Variants in ZNF592 observed in about 807,000 individuals in gnomAD.
ZNF592 encodes spinocerebellar ataxia, autosomal recessive 5.
ZNF592 carries 11 observed loss-of-function variants against 80.3 expected under a neutral mutation model. The ratio of observed to expected loss-of-function variants is 0.14; its 90% CI spans 0.09 to 0.23. The LOEUF (loss-of-function observed/expected upper bound fraction) is 0.23. Ranked by LOEUF, ZNF592 falls within the 10% of genes least tolerant of loss-of-function variation. The pLI is 1.00. For synonymous variants in ZNF592, 646 were observed against 640.3 expected, an observed-to-expected ratio of 1.01 and a Z score of -0.13; for missense variants, 1,420 against 1,633.9, an observed-to-expected ratio of 0.87 and a Z score of 2.26.
In ZNF592 at chr15:84,805,787, C is replaced by G. The variant is rs865901849; in HGVS notation, c.*3394C>G. 1.3e-5 allele frequency: 2 copies of G among 152,516 alleles called. No individual in the cohort carries two copies. Among genetic ancestry groups the G allele is most frequent in the Admixed American group, 6.6e-5 (1 of 15,260 alleles). The allele number at this position is 152,516 out of a possible 1,614,324, so 9.4% of individuals were successfully genotyped here. On this transcript the variant is annotated 3_prime_UTR_variant, in exon 11 of 11. Coordinates refer to ENST00000560079, the MANE Select transcript of ZNF592 (RefSeq NM_014630.3). ...TAATACATATACATGGTAAGACATTCCACAATACAAAAGGGTATACAATAA... is the reference window on the plus strand; with the variant it reads ...TAATACATATACATGGTAAGACATTGCACAATACAAAAGGGTATACAATAA...
chr15:84,799,731 GC>G lies in ZNF592; in HGVS notation c.3138-109del, dbSNP rs1478166856. Reference sequence around the variant, plus strand: ...GATCTCTCTGGGGTTCCCAGCACTAGCCAGCCCAGGAGTCTGCTCCAGACTC... The same window carrying G: ...GATCTCTCTGGGGTTCCCAGCACTAGCAGCCCAGGAGTCTGCTCCAGACTC... On this transcript the variant is annotated intron_variant, in intron 9 of 10. Coordinates refer to ENST00000560079, the MANE Select transcript of ZNF592 (RefSeq NM_014630.3). This position sits in a 1 kb window ranked among gnomAD's most constrained non-coding sequence, Gnocchi z 4.2. 3.9e-6 allele frequency: 6 copies of G among 1,549,790 alleles called. No individual in the cohort carries two copies. Among genetic ancestry groups the G allele is most frequent in the Non-Finnish European group, 5.3e-6 (6 of 1,136,064 alleles).
At chr15:84,766,610 G>A (rs1439520628) in intron 2 of ZNF592, among the ~76,000 whole-genome samples, 6 of 151,880 alleles carry the variant, frequency 4.0e-5, no homozygotes, top group South Asian at 4.2e-4. Context: ...GTTGGGGGGC[G>A]GATAGAGAGA....
chr15:84,783,858 C>G lies in ZNF592; in HGVS notation c.1183C>G (p.Leu395Val), dbSNP rs965752882. ...AATCAAACGGACTGTCACAAGGATCCTGCCAGATCCTGATGATCCAAGTAA... is the reference window on the plus strand; with the variant it reads ...AATCAAACGGACTGTCACAAGGATCGTGCCAGATCCTGATGATCCAAGTAA... ...GEIKRTVTRILPDPDDPSKSP... is the reference protein window; with the variant it reads ...GEIKRTVTRIVPDPDDPSKSP... The change falls in exon 4 of 11, where the codon CTG (leucine) becomes GTG (valine). Residue 395 changes from leucine (L) to valine (V), a missense_variant. Physicochemically the swap from Leu to Val is conservative, Grantham distance 32. Around this residue, in one of 7 missense-constraint regions of ZNF592, gnomAD observed 524 missense variants for 628.3 expected, o/e 0.83. Transcript: ENST00000560079. The surrounding 1 kb of genome is among the most constrained non-coding windows in gnomAD (Gnocchi z 5.0). 6.2e-7 allele frequency: 1 copy of G among 1,614,082 alleles called. No individual in the cohort carries two copies. The highest frequency in any genetic ancestry group is 8.5e-7 in the Non-Finnish European group (1 of 1,180,044).
intron 3 of ZNF592, among the ~76,000 whole-genome samples, chr15:84,781,837 G>A (rs1962428649): frequency 1.3e-5 from 2 of 152,330 alleles, no homozygotes; most frequent in Admixed American, 6.5e-5. Context: ...CTCTGTTGCA[G>A]TAGTTCTGTA....
intron 1 of ZNF592, among the ~76,000 whole-genome samples, chr15:84,757,554 G>C (rs1473352174): frequency 6.6e-6 from 1 of 151,790 alleles, no homozygotes; most frequent in East Asian, 1.9e-4. Context: ...GGATCTCGCT[G>C]TGTTGACCAG....
rs1962472362 is a variant in ZNF592 at position 84,783,206 on chromosome 15, T to C, written c.531T>C (p.Ala177=). Residue 177 remains alanine, a synonymous_variant, in exon 4 of 11, where the codon GCT becomes GCC. Coordinates refer to ENST00000560079, the MANE Select transcript of ZNF592 (RefSeq NM_014630.3). The surrounding 1 kb of genome is among the most constrained non-coding windows in gnomAD (Gnocchi z 5.0). The part of the protein sequence containing the change: ...SYFPPPLGCG[A]VGGPVLEALA... ...TCCCACCCCCTCTTGGGTGCGGGGC[T>C]GTGGGAGGCCCAGTCCTGGAGGCTC... The C allele has an allele frequency of 2.5e-6, 4 of 1,614,160 alleles. No homozygotes were observed. Among genetic ancestry groups the C allele is most frequent in the African/African-American group, 2.7e-5 (2 of 75,042 alleles).
rs1188222177 is a variant in ZNF592 at position 84,798,519 on chromosome 15, T to G, written c.2736+45T>G. 1.2e-6 allele frequency: 2 copies of G among 1,613,714 alleles called. No homozygotes were observed. Among genetic ancestry groups the G allele is most frequent in the Non-Finnish European group, 1.7e-6 (2 of 1,179,868 alleles). On this transcript the variant is annotated intron_variant, in intron 7 of 10. Transcript: ENST00000560079. This position sits in a 1 kb window ranked among gnomAD's most constrained non-coding sequence, Gnocchi z 4.5. Reference sequence around the variant, plus strand: ...GAGGCCGGGGAGGAGGGCACATGCCTCAGGCTGGGGGTCTGACTCTGTGCA... The same window carrying G: ...GAGGCCGGGGAGGAGGGCACATGCCGCAGGCTGGGGGTCTGACTCTGTGCA...
At chr15:84,789,672 G>C (rs1962687020) in intron 4 of ZNF592, among the ~76,000 whole-genome samples, 1 of 152,176 alleles carries the variant, frequency 6.6e-6, no homozygotes, top group Non-Finnish European at 1.5e-5. Flanking sequence ...TGTTGTCATG[G>C]CTCATTGATT....
rs1439358264 is a variant in ZNF592, at chr15:84,797,026, C to CA, written c.2400-840dup. On this transcript the variant is annotated intron_variant, in intron 5 of 10. Transcript: ENST00000560079. ...TCACCCAGGCTGGAATGCGGTGGCA[C>CA]AAACTCGGCTTACTGCAACCTCTGC... Among the ~76,000 whole-genome samples the CA allele has an allele frequency of 3.3e-5, 5 of 152,304 alleles. No individual in the cohort carries two copies. The East Asian group carries it at 9.6e-4, about 29-fold the overall frequency.
At chr15:84,782,223 G>A (rs972731166) in intron 3 of ZNF592, among the ~76,000 whole-genome samples, 1 of 152,206 alleles carries the variant, frequency 6.6e-6, no homozygotes, top group Non-Finnish European at 1.5e-5. Flanking sequence ...ATTACTAAGA[G>A]TAAATTAGCA....
chr15:84,759,964 C>T (rs978745409), intron 1 of ZNF592, among the ~76,000 whole-genome samples: 2 of 42,782 alleles, frequency 4.7e-5, no homozygotes, highest in Non-Finnish European at 1.0e-4. Context: ...TCCCCCCCCC[C>T]CCACCCTGCC....
chr15:84,765,678 A>T lies in ZNF592; in HGVS notation c.-150+863A>T, dbSNP rs181395699. On this transcript the variant is annotated intron_variant, in intron 2 of 10. Transcript: ENST00000560079. ...CTCAGCCTCCTGAGTAGCTGGGACT[A>T]CAGGTGCATGCCACCATGCCCAGCT... Among the ~76,000 whole-genome samples the T allele has an allele frequency of 5.2e-3, 789 of 151,048 alleles. 6 individuals are homozygous for T. Among genetic ancestry groups the T allele is most frequent in the African/African-American group, 0.017 (703 of 41,102 alleles).
At chr15:84,782,496 A>C (rs765964280) in intron 3 of ZNF592, among the ~76,000 whole-genome samples, 161 bp from the exon 4 acceptor site, 4 of 152,110 alleles carry the variant, frequency 2.6e-5, no homozygotes, top group African/African-American at 4.8e-5. Flanking sequence ...GCATTTTAGA[A>C]ACCTGTTGGG....
intron 2 of ZNF592, among the ~76,000 whole-genome samples, chr15:84,774,835 C>A (rs1054762226): frequency 6.6e-6 from 1 of 152,128 alleles, no homozygotes; most frequent in Admixed American, 6.6e-5. Flanking sequence ...GGCTGGAGTA[C>A]AATGGCGTGA....
rs140210043 is a variant in ZNF592, at chr15:84,783,201, G to A, written c.526G>A (p.Gly176Arg). ...DSYFPPPLGC[G>R]AVGGPVLEAL... ...TTATTTCCCACCCCCTCTTGGGTGC[G>A]GGGCTGTGGGAGGCCCAGTCCTGGA... The change falls in exon 4 of 11, where the codon GGG (glycine) becomes AGG (arginine). Residue 176 changes from glycine (G) to arginine (R), a missense_variant. Physicochemically the swap from Gly to Arg is moderately radical, Grantham distance 125 (BLOSUM62 -2). Transcript: ENST00000560079. The surrounding 1 kb of genome is among the most constrained non-coding windows in gnomAD (Gnocchi z 5.0). 84 of 1,614,064 alleles carry A rather than the reference G, an allele frequency of 5.2e-5. No homozygotes were observed. The African/African-American group carries it at 8.3e-4, about 16-fold the overall frequency.
rs900216554 is a variant in ZNF592 at position 84,803,773 on chromosome 15, A to G, written c.*1380A>G. 2.6e-5 allele frequency: 4 copies of G among 152,190 alleles called. No homozygotes were observed. Among genetic ancestry groups the G allele is most frequent in the African/African-American group, 9.7e-5 (4 of 41,436 alleles). 9.4% of individuals were successfully genotyped at this position (152,190 alleles called of 1,614,324 possible). On this transcript the variant is annotated 3_prime_UTR_variant, in exon 11 of 11. Transcript: ENST00000560079. ...TCAAATGTGGCAGAACTGGGATTAG[A>G]CTTGGGAGACTGGCTGTCTTTTCAC...
At position 84,805,820 on chromosome 15, in the gene ZNF592, G is replaced by A. The variant is rs542986000; in HGVS notation, c.*3427G>A. 13 of 152,674 alleles carry A rather than the reference G, an allele frequency of 8.5e-5. No homozygotes were observed. In the East Asian group the frequency reaches 2.5e-3, roughly 29 times the overall value. 9.5% of individuals were successfully genotyped at this position (152,674 alleles called of 1,614,324 possible). A position where few individuals can be genotyped will look rare whatever the true frequency, so the allele number is the denominator to read the frequency against. ...CAAAAGGGTATACAATAAATGGTAA[G>A]CTTCCCCATGGAGGTCAGCCTCTAG... is the stretch of plus-strand genomic sequence containing the variant. On this transcript the variant is annotated 3_prime_UTR_variant, in exon 11 of 11. Coordinates refer to ENST00000560079, the MANE Select transcript of ZNF592 (RefSeq NM_014630.3).
Position 84,784,618 on chromosome 15 carries a change from G to A in ZNF592, c.1943G>A (p.Cys648Tyr). 1 of 1,614,184 alleles carries A rather than the reference G, an allele frequency of 6.2e-7. No homozygotes were observed. The highest frequency in any genetic ancestry group is 1.1e-5 in the South Asian group (1 of 91,090). The part of the protein sequence containing the change: ...DHKSKGLVMQ[C>Y]SQLLVKPISA... ...AAGAGCAAGGGGCTCGTCATGCAGTGTTCCCAGCTGCTGGTGAAGCCTATC... is the reference window on the plus strand; with the variant it reads ...AAGAGCAAGGGGCTCGTCATGCAGTATTCCCAGCTGCTGGTGAAGCCTATC... Residue 648 changes from cysteine to tyrosine, a missense_variant, in exon 4 of 11, where the codon TGT (cysteine) becomes TAT (tyrosine). Around this residue, in one of 7 missense-constraint regions of ZNF592, gnomAD observed 524 missense variants for 628.3 expected, o/e 0.83. Coordinates refer to ENST00000560079, the MANE Select transcript of ZNF592 (RefSeq NM_014630.3). The surrounding 1 kb of genome is among the most constrained non-coding windows in gnomAD (Gnocchi z 5.8).
rs1171252234 is a variant in ZNF592, at chr15:84,803,977, AATTATT to A, written c.*1586_*1591del. On this transcript the variant is annotated 3_prime_UTR_variant, in exon 11 of 11. Transcript: ENST00000560079. ...AAGGAGGCATTAAATATCAATTATAAATTATTAAGTCAGATAAATATGCCTGACCTT... is the reference window on the plus strand; with the variant it reads ...AAGGAGGCATTAAATATCAATTATAAAAGTCAGATAAATATGCCTGACCTT... The A allele has an allele frequency of 2.0e-5, 3 of 152,216 alleles. No homozygotes were observed. The highest frequency in any genetic ancestry group is 4.4e-5 in the Non-Finnish European group (3 of 68,040). The allele number at this position is 152,216 out of a possible 1,614,324, so 9.4% of individuals were successfully genotyped here.
Sources: allele counts gnomAD v4.1 joint callset (sites outside exome capture counted in the v4.1 genomes callset), GRCh38; gene constraint gnomAD v4.1.1; regional missense constraint gnomAD v4.1.1; non-coding constraint Gnocchi (gnomAD v3.1); transcripts MANE v1.5; gene names NCBI Gene and HGNC (gene_info 2026-07-23, HGNC 2026-07-21).